The following ZNF451 variants were observed in gnomAD, a reference collection of about 807,000 sequenced individuals.
ZNF451 encodes the protein zinc finger protein 451, also known as E3 SUMO-protein ligase ZNF451.
A neutral mutation model predicts 107.1 loss-of-function variants in ZNF451; 80 were observed. The observed-to-expected ratio is 0.75, with a 90% CI of 0.62 to 0.90. The LOEUF (loss-of-function observed/expected upper bound fraction) is 0.90, where lower values mean the gene tolerates loss of function less well. ZNF451 is among the 40% of genes least tolerant of loss of function. The pLI, the probability that ZNF451 is intolerant of heterozygous loss-of-function variation, is 0.00. For missense variants in ZNF451, 1,107 were observed against 1,236.2 expected, an observed-to-expected ratio of 0.90 and a Z score of 1.57; for synonymous variants, 362 against 406.5, an observed-to-expected ratio of 0.89 and a Z score of 1.32.
In ZNF451 at chr6:57,153,903, A is replaced by T. The variant is rs1763270367; in HGVS notation, c.2926A>T (p.Thr976Ser). ...ACAACTACCCAAGCAAATTCCTTTC[A>T]CCATCCTCTCAGGAGATCAAGGTTT... ...DEQLPKQIPF[T>S]ILSGDQGFLE... Residue 976 changes from threonine (T) to serine (S), a missense_variant, in exon 13 of 15, where the codon ACC (threonine) becomes TCC (serine). Coordinates refer to ENST00000370706, the MANE Select transcript of ZNF451 (RefSeq NM_001031623.3). 6.2e-7 allele frequency: 1 copy of T among 1,614,164 alleles called. No homozygotes were observed. Among genetic ancestry groups the T allele is most frequent in the Non-Finnish European group, 8.5e-7 (1 of 1,180,032 alleles).
At chr6:57,164,840 G>A (rs1273900617) in intron 14 of ZNF451, 1 of 152,142 alleles carries the variant, frequency 6.6e-6, no homozygotes, top group Non-Finnish European at 1.5e-5. Flanking sequence ...GAATGGTAAG[G>A]GGAACACAGA....
intron 3 of ZNF451, chr6:57,104,075 G>A: frequency 2.0e-6 from 2 of 984,550 alleles, no homozygotes; most frequent in Non-Finnish European, 2.4e-6. Flanking sequence ...CATATCAAGA[G>A]TTAATATTTA....
intron 3 of ZNF451, chr6:57,105,190 A>AAT: frequency 1.0e-6 from 1 of 985,362 alleles, no homozygotes; most frequent in Non-Finnish European, 1.2e-6. Flanking sequence ...CTAACGTTTA[A>AAT]ATACCTCTAG....
intron 13 of ZNF451, among the ~76,000 whole-genome samples, chr6:57,158,047 G>A (rs1234926839): frequency 6.6e-6 from 1 of 152,206 alleles, no homozygotes; most frequent in East Asian, 1.9e-4. Flanking sequence ...TACGAAGTAG[G>A]TGTTGGATTA....
rs561271006 is a variant in ZNF451, at chr6:57,169,426, A to G, written c.*957A>G. ...AAATATTGAGGCCCCATTGTGAGTA[A>G]TAAAAAATACGACATAAGTAGAAGA... On this transcript the variant is annotated 3_prime_UTR_variant, in exon 15 of 15. Transcript: ENST00000370706. The G allele has an allele frequency of 5.6e-4, 86 of 152,246 alleles. No homozygotes were observed. Among genetic ancestry groups the G allele is most frequent in the Middle Eastern group, 3.4e-3 (1 of 294 alleles). The allele number at this position is 152,246 out of a possible 1,614,324, so 9.4% of individuals were successfully genotyped here.
At chr6:57,108,685 T>G (rs1363696372) in intron 3 of ZNF451, 13 of 985,304 alleles carry the variant, frequency 1.3e-5, no homozygotes, top group East Asian at 1.1e-4. Context: ...CTTCTATATA[T>G]TCTGACAGGT....
chr6:57,123,261 C>G (rs1185268064), intron 3 of ZNF451, among the ~76,000 whole-genome samples: 2 of 152,154 alleles, frequency 1.3e-5, no homozygotes, highest in African/African-American at 4.8e-5. Context: ...TACCTATGTG[C>G]CCATCATCAG....
chr6:57,106,269 T>A, intron 3 of ZNF451: 1 of 983,744 alleles, frequency 1.0e-6, no homozygotes, highest in African/African-American at 1.7e-5. Flanking sequence ...ATGGATTAGA[T>A]CTTTGTAGAA....
intron 3 of ZNF451, among the ~76,000 whole-genome samples, chr6:57,123,631 T>G (rs769683001): frequency 2.6e-5 from 4 of 151,800 alleles, no homozygotes; most frequent in Non-Finnish European, 5.9e-5. Flanking sequence ...TATACCCTTG[T>G]AACAAACCCT....
chr6:57,170,042 T>G lies in ZNF451; in HGVS notation c.*1573T>G, dbSNP rs1764065207. ...ATGCTCTATTAAGAAGCTTTTGTGGTGTGTGTGGTAGAGAATAATTAAGGC... is the reference window on the plus strand; with the variant it reads ...ATGCTCTATTAAGAAGCTTTTGTGGGGTGTGTGGTAGAGAATAATTAAGGC... On this transcript the variant is annotated 3_prime_UTR_variant, in exon 15 of 15. Transcript: ENST00000370706. The G allele has an allele frequency of 2.5e-5, 3 of 119,048 alleles. No individual in the cohort carries two copies. The highest frequency in any genetic ancestry group is 2.3e-4 in the Admixed American group (3 of 12,766). 7.4% of individuals were successfully genotyped at this position (119,048 alleles called of 1,614,324 possible).
At chr6:57,109,071 A>G in intron 3 of ZNF451, 8 of 985,352 alleles carry the variant, frequency 8.1e-6, no homozygotes, top group Non-Finnish European at 9.6e-6. Flanking sequence ...CCCCACTAGT[A>G]TTTGATGTCT....
rs759616187 is a variant in ZNF451 at position 57,147,891 on chromosome 6, G to T, written c.1806G>T (p.Pro602=). The change falls in exon 10 of 15, where the codon CCG becomes CCT. Residue 602 remains proline, a synonymous_variant. Coordinates refer to ENST00000370706, the MANE Select transcript of ZNF451 (RefSeq NM_001031623.3). ...VIDHSPANSS[P]RGKWQCRICE... ...ATCATTCCCCGGCAAATAGTTCTCC[G>T]AGGGGTAAATGGCAATGCCGGATTT... The T allele has an allele frequency of 1.2e-6, 2 of 1,614,130 alleles. No individual in the cohort carries two copies. The highest frequency in any genetic ancestry group is 2.2e-5 in the East Asian group (1 of 44,880).
At chr6:57,152,446 T>A in intron 12 of ZNF451, 95 bp downstream of exon 12, 1 of 1,386,854 alleles carries the variant, frequency 7.2e-7, no homozygotes, top group Middle Eastern at 1.9e-4. Context: ...TAGATCATTC[T>A]TCAGTACTTC....
At chr6:57,137,015 G>T (rs926024462) in intron 7 of ZNF451, among the ~76,000 whole-genome samples, 1 of 152,142 alleles carries the variant, frequency 6.6e-6, no homozygotes, top group Non-Finnish European at 1.5e-5. Flanking sequence ...TACTGAATCT[G>T]TGAGTTTAGT....
At chr6:57,108,868 A>G in intron 3 of ZNF451, 1 of 985,448 alleles carries the variant, frequency 1.0e-6, no homozygotes, top group Non-Finnish European at 1.2e-6. Context: ...AACTTCATTA[A>G]GTCATTAAGC....
At chr6:57,160,322 TTCTCGTCTCG>T (rs1211235274) in intron 13 of ZNF451, among the ~76,000 whole-genome samples, 1 of 151,930 alleles carries the variant, frequency 6.6e-6, no homozygotes, top group Non-Finnish European at 1.5e-5. Context: ...TTCTTTTCTT[TTCTCGTCTCG>T]TCTCGTCTCA....
At position 57,138,234 on chromosome 6, in the gene ZNF451, C is replaced by T. The variant is rs560831345; in HGVS notation, c.703-3068C>T. On this transcript the variant is annotated intron_variant, in intron 7 of 14. Transcript: ENST00000370706. The stretch of plus-strand genomic sequence containing the variant: ...TTGTGGGTTTCAGTTTTTAGCCAGT[C>T]TAGTGGGTGTGAAATGGTATTTTGG... Among the ~76,000 whole-genome samples the T allele has an allele frequency of 1.2e-3, 172 of 149,364 alleles. 5 individuals are homozygous for T. In the South Asian group the frequency reaches 0.035, roughly 31 times the overall value.
intron 3 of ZNF451, chr6:57,106,000 T>C: frequency 1.0e-6 from 1 of 982,510 alleles, no homozygotes; most frequent in South Asian, 4.7e-5. Flanking sequence ...TTCAGGCTAC[T>C]TGGACAGTAT....
chr6:57,099,206 G>A, intron 3 of ZNF451, 65 bp downstream of exon 3: 1 of 1,285,628 alleles, frequency 7.8e-7, no homozygotes, highest in Non-Finnish European at 1.1e-6. Flanking sequence ...TCTCTAAAGA[G>A]AGTTACCAAA....
Sources: allele counts gnomAD v4.1 joint callset (sites outside exome capture counted in the v4.1 genomes callset), GRCh38; gene constraint gnomAD v4.1.1; transcripts MANE v1.5; gene names NCBI Gene and HGNC (gene_info 2026-07-23, HGNC 2026-07-21).